Variants in KIFC2 observed in about 807,000 individuals in gnomAD.
The protein encoded by KIFC2 is kinesin-like protein KIFC2.
In KIFC2, 94 loss-of-function variants were observed where a neutral mutation model predicts 91.5. The observed-to-expected ratio is 1.03, with a 90% CI of 0.87 to 1.22. The LOEUF (loss-of-function observed/expected upper bound fraction) is 1.22. Among genes scored for constraint, KIFC2 ranks in the 50% most tolerant of loss-of-function variants. The pLI is 0.00. For synonymous variants in KIFC2, 729 were observed against 503.9 expected (o/e 1.45, Z -5.98); for missense variants, 1,357 against 1,103.3 (o/e 1.23, Z -3.26).
rs777476546 is a variant in KIFC2, at chr8:144,472,631, C to T, written c.1786C>T (p.Arg596Cys). 6.2e-7 allele frequency: 1 copy of T among 1,603,354 alleles called. No individual in the cohort carries two copies. Among genetic ancestry groups the T allele is most frequent in the South Asian group, 1.1e-5 (1 of 91,060 alleles). ...CACCGCCGCCACCGCCATGAACCAG[C>T]GCAGCTCCCGCTCGCATGCCCTGGT... ...RATAATAMNQ[R>C]SSRSHALVTL... The change falls in exon 16 of 18, where the codon CGC becomes TGC. Residue 596 changes from arginine to cysteine, a missense_variant. Arg to Cys is a radical substitution (Grantham distance 180). Transcript: ENST00000645548.
chr8:144,467,419 G>A (rs1824715394), intron 4 of KIFC2, 66 bp from the exon 5 acceptor site: 1 of 1,543,340 alleles, frequency 6.5e-7, no homozygotes, highest in Admixed American at 2.0e-5. Flanking sequence ...CTGGAGTTCG[G>A]GGTCATGTTC....
At chr8:144,467,435 G>A (rs191733892) in intron 4 of KIFC2, 50 bp from the exon 5 acceptor site, 24 of 1,540,292 alleles carry the variant, frequency 1.6e-5, no homozygotes, top group South Asian at 3.8e-5. Flanking sequence ...TGTTCCGGAA[G>A]ATTTGGACTA....
rs757769743 is a variant in KIFC2 at position 144,472,475 on chromosome 8, A to T, written c.1722A>T (p.Thr574=). 3.8e-5 allele frequency: 62 copies of T among 1,611,870 alleles called. No individual in the cohort carries two copies. The South Asian group carries it at 6.4e-4, about 17-fold the overall frequency. The part of the protein sequence containing the change: ...LTHWDVPNLE[T]LHQMLKLGRS... ...ACTGGGACGTGCCCAACCTGGAGAC[A>T]TTGCACCAGGTAGGGCTGCACCGCT... is the stretch of plus-strand genomic sequence containing the variant. Residue 574 remains threonine (T), a synonymous_variant, in exon 15 of 18, where the codon ACA becomes ACT. Transcript: ENST00000645548.
At chr8:144,471,902 C>T (rs548897504) in intron 12 of KIFC2, 40 bp from the exon 13 acceptor site, 18 of 1,583,830 alleles carry the variant, frequency 1.1e-5, no homozygotes, top group African/African-American at 1.1e-4. Context: ...AAACAGGCAA[C>T]GTGGGGAGGA....
Position 144,468,615 on chromosome 8 carries a change from G to A in KIFC2, c.968G>A (p.Arg323Lys). 6.2e-7 allele frequency: 1 copy of A among 1,613,426 alleles called. No individual in the cohort carries two copies. Among genetic ancestry groups the A allele is most frequent in the Non-Finnish European group, 8.5e-7 (1 of 1,179,680 alleles). Residue 323 changes from arginine to lysine, a missense_variant, in exon 9 of 18, where the codon AGG becomes AAG. Coordinates refer to ENST00000645548, the MANE Select transcript of KIFC2 (RefSeq NM_001369769.2). ...QLQQETEQNC[R>K]RELQQMHGQL... ...CAGCAGGAGACGGAGCAGAACTGCAGGCGTGAGCTACAGCAGATGCATGGG... is the reference window on the plus strand; with the variant it reads ...CAGCAGGAGACGGAGCAGAACTGCAAGCGTGAGCTACAGCAGATGCATGGG...
chr8:144,467,088 G>C lies in KIFC2; in HGVS notation c.308G>C (p.Gly103Ala), dbSNP rs571105762. Residue 103 changes from glycine (G) to alanine (A), a missense_variant, in exon 3 of 18, where the codon GGG becomes GCG. By Grantham distance (60) the Gly-to-Ala change is moderately conservative. Coordinates refer to ENST00000645548, the MANE Select transcript of KIFC2 (RefSeq NM_001369769.2). ...SVQLGAEESC[G>A]GPADLGQSGE... ...CAGCTGGGGGCGGAAGAGAGCTGCG[G>C]GGGCCCGGCGGACCTGGGCCAGGTG... 6.3e-7 allele frequency: 1 copy of C among 1,598,614 alleles called. No individual in the cohort carries two copies. The highest frequency in any genetic ancestry group is 8.5e-7 in the Non-Finnish European group (1 of 1,172,826).
rs575162762 is a variant in KIFC2 at position 144,469,527 on chromosome 8, A to G, written c.1260A>G (p.Thr420=). Residue 420 remains threonine (T), a synonymous_variant, in exon 12 of 18, where the codon ACA becomes ACG. Transcript: ENST00000645548. Reference sequence around the variant, plus strand: ...TGCTGTGTCGGCTGAGGCCAGGGACATCTTCTAGCCTTGTGAGTGTGGAGC... The same window carrying G: ...TGCTGTGTCGGCTGAGGCCAGGGACGTCTTCTAGCCTTGTGAGTGTGGAGC... The part of the protein sequence containing the change: ...IRVLCRLRPG[T]SSSLVSVEPG... 101 of 1,613,968 alleles carry G rather than the reference A, an allele frequency of 6.3e-5. 1 individual carries two copies. In the East Asian group the frequency reaches 1.2e-3, roughly 19 times the overall value.
Position 144,466,992 on chromosome 8 carries a change from C to G in KIFC2, c.212C>G (p.Ala71Gly). ...SSEPEDGSEG[A>G]AEGRAAAVSL... ...GAGCCTGAGGATGGGTCGGAAGGCG[C>G]AGCCGAGGGCCGCGCGGCCGCGGTG... is the stretch of plus-strand genomic sequence containing the variant. The change falls in exon 3 of 18, where the codon GCA becomes GGA. Residue 71 changes from alanine to glycine, a missense_variant. Ala to Gly is a moderately conservative substitution (Grantham distance 60, BLOSUM62 0). Coordinates refer to ENST00000645548, the MANE Select transcript of KIFC2 (RefSeq NM_001369769.2). 6.3e-7 allele frequency: 1 copy of G among 1,596,900 alleles called. No homozygotes were observed. Among genetic ancestry groups the G allele is most frequent in the Non-Finnish European group, 8.5e-7 (1 of 1,176,386 alleles).
intron 12 of KIFC2, among the ~76,000 whole-genome samples, chr8:144,469,883 G>A (rs1824858648): frequency 1.3e-5 from 2 of 152,238 alleles, no homozygotes; most frequent in Admixed American, 6.5e-5. Flanking sequence ...TGGGGTCCAG[G>A]GTTTGCCCAG....
rs538898394 is a variant in KIFC2, at chr8:144,473,310, C to T, written c.2297C>T (p.Ser766Phe). The T allele has an allele frequency of 2.4e-5, 38 of 1,603,670 alleles. No homozygotes were observed. Among genetic ancestry groups the T allele is most frequent in the Middle Eastern group, 3.3e-4 (2 of 6,064 alleles). ...LTGTPCTPTP[S>F]PGSPPCPSPD... ...GGGACCCCCTGCACCCCTACGCCGTCCCCTGGCAGTCCTCCATGCCCCAGT... is the reference window on the plus strand; with the variant it reads ...GGGACCCCCTGCACCCCTACGCCGTTCCCTGGCAGTCCTCCATGCCCCAGT... Residue 766 changes from serine (S) to phenylalanine (F), a missense_variant, in exon 18 of 18, where the codon TCC becomes TTC. Transcript: ENST00000645548.
intron 10 of KIFC2, 149 bp from the exon 11 acceptor site, chr8:144,469,121 TC>T: frequency 1.5e-6 from 1 of 683,344 alleles, no homozygotes. Flanking sequence ...CTCAATGATG[TC>T]CCCAGGGGCC....
At chr8:144,472,533 G>C in intron 15 of KIFC2, 44 bp from the exon 16 acceptor site, 1 of 1,611,978 alleles carries the variant, frequency 6.2e-7, no homozygotes, top group Admixed American at 1.7e-5. Context: ...TCCACTTGGG[G>C]GCGGGGACCC....
At position 144,468,666 on chromosome 8, in the gene KIFC2, G is replaced by A; in HGVS notation, c.1003+16G>A. 1 of 1,613,292 alleles carries A rather than the reference G, an allele frequency of 6.2e-7. No individual in the cohort carries two copies. The highest frequency in any genetic ancestry group is 8.5e-7 in the Non-Finnish European group (1 of 1,179,452). ...CAGCTGGCAGGTAAGGGTTGGGGTT[G>A]GGGCTCATGGGAGGCCCTGGAGGCT... On this transcript the variant is annotated intron_variant, in intron 9 of 17. Coordinates refer to ENST00000645548, the MANE Select transcript of KIFC2 (RefSeq NM_001369769.2).
chr8:144,467,895 ACT>A lies in KIFC2; in HGVS notation c.721_722del (p.Leu241GlyfsTer84). ...CTCAGAGAAAAGGGTTCAGCATCTG[ACT>A]CTGGAGAACGAGGCCCTGAAGCAGA... Reference protein sequence around the residue: ...TDSEKRVQHLTLENEALKQSL... With the variant: ...TDSEKRVQHLXLENEALKQSL... On this transcript the variant is annotated frameshift_variant, in exon 7 of 18. Coordinates refer to ENST00000645548, the MANE Select transcript of KIFC2 (RefSeq NM_001369769.2). LOFTEE classifies it high-confidence loss of function. 1 of 1,612,826 alleles carries A rather than the reference ACT, an allele frequency of 6.2e-7. No individual in the cohort carries two copies. The highest frequency in any genetic ancestry group is 8.5e-7 in the Non-Finnish European group (1 of 1,179,590).
chr8:144,469,152 G>A (rs1170798527), intron 10 of KIFC2, 119 bp from the exon 11 acceptor site: 1 of 821,236 alleles, frequency 1.2e-6, no homozygotes, highest in Admixed American at 2.8e-5. Flanking sequence ...TGAAAGTTGT[G>A]GCTTAGCACA....
Position 144,472,464 on chromosome 8 carries a change from A to T in KIFC2, c.1711A>T (p.Asn571Tyr). The change falls in exon 15 of 18, where the codon AAC becomes TAC. Residue 571 changes from asparagine (N) to tyrosine (Y), a missense_variant. Transcript: ENST00000645548. ...VAGLTHWDVP[N>Y]LETLHQMLKL... ...TGGCCTCACCCACTGGGACGTGCCC[A>T]ACCTGGAGACATTGCACCAGGTAGG... is the stretch of plus-strand genomic sequence containing the variant. The T allele has an allele frequency of 6.2e-7, 1 of 1,612,042 alleles. No individual in the cohort carries two copies. Among genetic ancestry groups the T allele is most frequent in the Non-Finnish European group, 8.5e-7 (1 of 1,179,528 alleles).
chr8:144,474,135 G>A lies in KIFC2; in HGVS notation c.*746G>A. 1 of 895,712 alleles carries A rather than the reference G, an allele frequency of 1.1e-6. No individual in the cohort carries two copies. Among genetic ancestry groups the A allele is most frequent in the East Asian group, 2.6e-5 (1 of 37,794 alleles). The allele number at this position is 895,712 out of a possible 1,614,324, so 55.5% of individuals were successfully genotyped here. A position where few individuals can be genotyped will look rare whatever the true frequency, so the allele number is the denominator to read the frequency against. Reference sequence around the variant, plus strand: ...ACTCCCAGCAAGGCTGCTGCCTGGTGTTTCGAGGCTGCTGTGGTCGCAGAC... The same window carrying A: ...ACTCCCAGCAAGGCTGCTGCCTGGTATTTCGAGGCTGCTGTGGTCGCAGAC... On this transcript the variant is annotated 3_prime_UTR_variant, in exon 18 of 18. Coordinates refer to ENST00000645548, the MANE Select transcript of KIFC2 (RefSeq NM_001369769.2).
At position 144,472,497 on chromosome 8, in the gene KIFC2, C is replaced by G; in HGVS notation, c.1731+13C>G. On this transcript the variant is annotated intron_variant, in intron 15 of 17. Transcript: ENST00000645548. ...GACATTGCACCAGGTAGGGCTGCACCGCTCTCCGAGACCCCGCCCCGTGCT... is the reference window on the plus strand; with the variant it reads ...GACATTGCACCAGGTAGGGCTGCACGGCTCTCCGAGACCCCGCCCCGTGCT... The G allele has an allele frequency of 1.2e-6, 2 of 1,611,274 alleles. No homozygotes were observed. The highest frequency in any genetic ancestry group is 2.2e-5 in the East Asian group (1 of 44,860).
chr8:144,467,068 G>T lies in KIFC2; in HGVS notation c.288G>T (p.Leu96=), dbSNP rs1445851693. The T allele has an allele frequency of 5.6e-6, 9 of 1,596,164 alleles. No homozygotes were observed. Among genetic ancestry groups the T allele is most frequent in the Non-Finnish European group, 6.8e-6 (8 of 1,171,722 alleles). The change falls in exon 3 of 18, where the codon CTG becomes CTT. Residue 96 remains leucine, a synonymous_variant. Coordinates refer to ENST00000645548, the MANE Select transcript of KIFC2 (RefSeq NM_001369769.2). The stretch of plus-strand genomic sequence containing the variant: ...TCGCCGAGTTCCTCTCCGTCCAGCT[G>T]GGGGCGGAAGAGAGCTGCGGGGGCC... The part of the protein sequence containing the change: ...LRLAEFLSVQ[L]GAEESCGGPA...
Sources: allele counts gnomAD v4.1 joint callset (sites outside exome capture counted in the v4.1 genomes callset), GRCh38; gene constraint gnomAD v4.1.1; transcripts MANE v1.5; gene names NCBI Gene and HGNC (gene_info 2026-07-23, HGNC 2026-07-21).